The following BTBD9 variants were observed in gnomAD, a reference collection of about 807,000 sequenced individuals.
BTBD9 encodes the protein BTB/POZ domain-containing protein 9.
BTBD9 carries 49 observed loss-of-function variants against 64.3 expected under a neutral mutation model. The ratio of observed to expected loss-of-function variants is 0.76; its 90% CI spans 0.61 to 0.97. The LOEUF is 0.97. Ranked by LOEUF, BTBD9 falls within the 50% of genes least tolerant of loss-of-function variation. The pLI, the probability that BTBD9 is intolerant of heterozygous loss-of-function variation, is 0.00. For missense variants in BTBD9, 598 were observed against 762.1 expected, an observed-to-expected ratio of 0.78 and a Z score of 2.53; for synonymous variants, 260 against 274.7, an observed-to-expected ratio of 0.95 and a Z score of 0.53.
At position 38,607,432 on chromosome 6, in the gene BTBD9, A is replaced by G. The variant is rs1446087683; in HGVS notation, c.-27-9311T>C. Among the ~76,000 whole-genome samples the G allele has an allele frequency of 5.3e-5, 8 of 152,210 alleles. 1 individual carries two copies. The highest frequency in any genetic ancestry group is 3.9e-4 in the Admixed American group (6 of 15,288). On this transcript the variant is annotated intron_variant, in intron 1 of 10. Transcript: ENST00000481247. ...GTTGCTACACGTTGGATAGTATCCA[A>G]ACTTCTTAGTAGAAAACTTAAATTA...
intron 9 of BTBD9, among the ~76,000 whole-genome samples, chr6:38,229,927 A>T (rs781140621): frequency 1.2e-4 from 18 of 152,152 alleles, no homozygotes; most frequent in Non-Finnish European, 1.9e-4. Flanking sequence ...GGGCATTGAT[A>T]AAAAGAGTGA....
intron 6 of BTBD9, among the ~76,000 whole-genome samples, chr6:38,423,874 A>G (rs1166160142): frequency 1.1e-4 from 17 of 150,218 alleles, no homozygotes; most frequent in Admixed American, 1.1e-3. Flanking sequence ...ATAAGCGACT[A>G]TATTTTTAAG....
At chr6:38,393,074 C>T (rs996843848) in intron 6 of BTBD9, among the ~76,000 whole-genome samples, 4 of 152,232 alleles carry the variant, frequency 2.6e-5, no homozygotes, top group African/African-American at 4.8e-5. Context: ...CAGGGTTTCG[C>T]CATGTTGGCT....
chr6:38,375,942 G>GAAAGAAAGAAA (rs1562098258), intron 6 of BTBD9, among the ~76,000 whole-genome samples: 5 of 26,162 alleles, frequency 1.9e-4, no homozygotes, highest in Non-Finnish European at 3.4e-4. Flanking sequence ...AAAGAAAGAA[G>GAAAGAAAGAAA]GAAAGAAGGA....
intron 6 of BTBD9, among the ~76,000 whole-genome samples, chr6:38,365,541 A>C (rs1172954635): frequency 1.3e-5 from 2 of 152,184 alleles, no homozygotes; most frequent in Non-Finnish European, 2.9e-5. Flanking sequence ...CAGGAGTTCA[A>C]GGACCAGCTT....
At chr6:38,229,569 C>T (rs1351721543) in intron 9 of BTBD9, among the ~76,000 whole-genome samples, 1 of 152,134 alleles carries the variant, frequency 6.6e-6, no homozygotes, top group Non-Finnish European at 1.5e-5. Flanking sequence ...ATAGGAAGGT[C>T]ATATGGATAT....
intron 6 of BTBD9, among the ~76,000 whole-genome samples, chr6:38,545,811 T>C (rs936726568): frequency 2.0e-5 from 3 of 147,988 alleles, no homozygotes; most frequent in Non-Finnish European, 4.4e-5. Context: ...ATGAATTTTA[T>C]ATGTGACTAA....
intron 6 of BTBD9, among the ~76,000 whole-genome samples, chr6:38,512,919 G>C (rs1402535456): frequency 2.0e-5 from 3 of 152,106 alleles, no homozygotes; most frequent in African/African-American, 7.2e-5. Context: ...ATGATGTATA[G>C]CCTGAAAATA....
chr6:38,514,385 G>C (rs933972291), intron 6 of BTBD9, among the ~76,000 whole-genome samples: 3 of 151,988 alleles, frequency 2.0e-5, no homozygotes, highest in Non-Finnish European at 4.4e-5. Flanking sequence ...TTCTAATAAA[G>C]AGCTGTAATT....
At chr6:38,464,505 C>CTTTTCT (rs776194544) in intron 6 of BTBD9, among the ~76,000 whole-genome samples, 10 of 151,210 alleles carry the variant, frequency 6.6e-5, no homozygotes, top group East Asian at 3.9e-4. Flanking sequence ...CTTTTCTTTT[C>CTTTTCT]TTTTTTTTGA....
intron 6 of BTBD9, among the ~76,000 whole-genome samples, chr6:38,507,402 A>G (rs1466493131): frequency 6.6e-6 from 1 of 152,200 alleles, no homozygotes. Context: ...CTCCACTCCC[A>G]GCTACCACCT....
In BTBD9 at chr6:38,624,216, A is replaced by T. The variant is rs115537389; in HGVS notation, c.-28+15584T>A. ...GCCAATTGCGGGGAGGACTGAAAAA[A>T]GTGCACTCTGATAGGACAGAAATGG... On this transcript the variant is annotated intron_variant, in intron 1 of 10. Coordinates refer to ENST00000481247, the MANE Select transcript of BTBD9 (RefSeq NM_001099272.2). 6.6e-3 allele frequency among the ~76,000 whole-genome samples: 1,008 copies of T among 152,332 alleles called. 7 individuals are homozygous for T. The highest frequency in any genetic ancestry group is 0.011 in the Non-Finnish European group (725 of 68,030).
At chr6:38,297,841 CT>C (rs747848539) in intron 7 of BTBD9, among the ~76,000 whole-genome samples, 262 of 136,486 alleles carry the variant, frequency 1.9e-3, no homozygotes, top group African/African-American at 3.3e-3. Flanking sequence ...CTCCAGTTTT[CT>C]TTTTTTTTTT....
chr6:38,592,896 C>A lies in BTBD9; in HGVS notation c.550-56G>T, dbSNP rs548634896. Reference sequence around the variant, plus strand: ...TATATGAAGTTCAACCACTGCATGACCAATCAGTAAAAGCTTACAGGACAA... The same window carrying A: ...TATATGAAGTTCAACCACTGCATGAACAATCAGTAAAAGCTTACAGGACAA... On this transcript the variant is annotated intron_variant, in intron 3 of 10. Transcript: ENST00000481247. 7 of 1,551,744 alleles carry A rather than the reference C, an allele frequency of 4.5e-6. No individual in the cohort carries two copies. In the Admixed American group the frequency reaches 1.0e-4, roughly 23 times the overall value.
At chr6:38,227,714 T>G (rs984059382) in intron 9 of BTBD9, among the ~76,000 whole-genome samples, 1 of 152,190 alleles carries the variant, frequency 6.6e-6, no homozygotes, top group Non-Finnish European at 1.5e-5. Flanking sequence ...GACAGAGCTC[T>G]GAGAGTATAA....
intron 6 of BTBD9, among the ~76,000 whole-genome samples, chr6:38,483,037 T>C (rs563048713): frequency 2.6e-5 from 4 of 152,040 alleles, no homozygotes; most frequent in African/African-American, 4.8e-5. Context: ...TCCACTCTCC[T>C]GCATTATCAA....
chr6:38,524,744 G>T (rs570492020), intron 6 of BTBD9, among the ~76,000 whole-genome samples: 1 of 152,192 alleles, frequency 6.6e-6, no homozygotes, highest in Admixed American at 6.5e-5. Context: ...AGCCACCCTT[G>T]CTTGATAAAC....
Position 38,637,634 on chromosome 6 carries a change from T to C in BTBD9, c.-28+2166A>G, listed in dbSNP as rs114836800. Among the ~76,000 whole-genome samples the C allele has an allele frequency of 3.2e-3, 480 of 152,326 alleles. 3 individuals carry two copies. The highest frequency in any genetic ancestry group is 0.011 in the African/African-American group (457 of 41,580). On this transcript the variant is annotated intron_variant, in intron 1 of 10. Transcript: ENST00000481247. Reference sequence around the variant, plus strand: ...GTCACTGAGTGTGACTGGATGACTATTGGTACATCATTTCAGTAAATTTCC... The same window carrying C: ...GTCACTGAGTGTGACTGGATGACTACTGGTACATCATTTCAGTAAATTTCC...
At chr6:38,178,169 G>C (rs1402695697) in intron 10 of BTBD9, among the ~76,000 whole-genome samples, 1 of 152,200 alleles carries the variant, frequency 6.6e-6, no homozygotes, top group South Asian at 2.1e-4. Context: ...ACACAGGCAG[G>C]AGTGAGTTAC....
Sources: gnomAD v4.1 joint callset for allele counts (sites outside exome capture counted in the v4.1 genomes callset) on GRCh38, gnomAD v4.1.1 for gene constraint, MANE v1.5 for transcripts, NCBI Gene and HGNC (gene_info 2026-07-23, HGNC 2026-07-21) for gene names.